The following RNF111 variants were observed in gnomAD, a reference collection of about 807,000 sequenced individuals.
RNF111 encodes E3 ubiquitin-protein ligase Arkadia.
A neutral mutation model predicts 95.1 loss-of-function variants in RNF111; 17 were observed. That is an observed-to-expected ratio of 0.18 (90% CI 0.12 to 0.27). The LOEUF is 0.27. Among genes scored for constraint, RNF111 ranks in the 10% least tolerant of loss-of-function variants. The pLI is 1.00. For missense variants in RNF111, 1,189 were observed against 1,210.4 expected, an observed-to-expected ratio of 0.98 and a Z score of 0.26; for synonymous variants, 440 against 414.8, an observed-to-expected ratio of 1.06 and a Z score of -0.74.
chr15:59,054,634 A>T (rs1213094660), intron 3 of RNF111, among the ~76,000 whole-genome samples: 2 of 134,214 alleles, frequency 1.5e-5, no homozygotes, highest in Non-Finnish European at 3.3e-5. Context: ...TTAACTTTAT[A>T]CTCCTTCTTA....
chr15:59,058,213 G>C (rs928247177), intron 4 of RNF111, 143 bp from the exon 5 acceptor site: 10 of 656,004 alleles, frequency 1.5e-5, no homozygotes, highest in Admixed American at 6.1e-5. Context: ...CTTTGTGAAC[G>C]CTTTCTTTAC....
intron 1 of RNF111, among the ~76,000 whole-genome samples, chr15:58,996,768 AACTT>A (rs1323092560): frequency 1.0e-4 from 15 of 149,480 alleles, no homozygotes; most frequent in Admixed American, 7.4e-4. Context: ...TATTCAATCT[AACTT>A]AATGTGTGTT....
intron 7 of RNF111, 51 bp downstream of exon 7, chr15:59,076,266 T>C: frequency 6.4e-7 from 1 of 1,572,820 alleles, no homozygotes. Flanking sequence ...CAATGAAGCA[T>C]TTTGTACTTC....
At chr15:59,006,274 T>C (rs2039537268) in intron 1 of RNF111, among the ~76,000 whole-genome samples, 1 of 152,218 alleles carries the variant, frequency 6.6e-6, no homozygotes, top group Non-Finnish European at 1.5e-5. Context: ...TTTTGGCAAA[T>C]GTGTCTGTCC....
chr15:59,008,568 T>C (rs1447473746), intron 1 of RNF111, among the ~76,000 whole-genome samples: 4 of 152,176 alleles, frequency 2.6e-5, no homozygotes, highest in African/African-American at 9.7e-5. Context: ...CTTGGCACTT[T>C]TGTTGGAAAA....
chr15:59,085,589 A>G, intron 9 of RNF111, 70 bp from the exon 10 acceptor site: 4 of 1,377,070 alleles, frequency 2.9e-6, no homozygotes, highest in South Asian at 3.4e-5. Context: ...AAGTGTAAAC[A>G]TAACTCCCCA....
chr15:59,077,054 T>C (rs1179331228), intron 7 of RNF111, among the ~76,000 whole-genome samples: 6 of 152,246 alleles, frequency 3.9e-5, no homozygotes, highest in Non-Finnish European at 7.3e-5. Context: ...ACTGGTGATA[T>C]ATTATTTACC....
chr15:58,994,328 C>A (rs1194733992), intron 1 of RNF111, among the ~76,000 whole-genome samples: 1 of 151,862 alleles, frequency 6.6e-6, no homozygotes, highest in Non-Finnish European at 1.5e-5. Context: ...CGTGAGCCAC[C>A]ACGCCTGGCT....
At chr15:59,062,069 T>TC (rs2042463014) in intron 5 of RNF111, among the ~76,000 whole-genome samples, 2 of 150,898 alleles carry the variant, frequency 1.3e-5, no homozygotes, top group African/African-American at 4.9e-5. Flanking sequence ...TTTTTTTTTT[T>TC]TCCCCGAGAC....
intron 1 of RNF111, among the ~76,000 whole-genome samples, chr15:59,013,492 G>A (rs1171429921): frequency 6.6e-6 from 1 of 152,112 alleles, no homozygotes; most frequent in African/African-American, 2.4e-5. Flanking sequence ...CTCATAGTTT[G>A]GGGTTTTGGG....
intron 1 of RNF111, chr15:59,004,046 C>A: frequency 2.2e-6 from 1 of 456,612 alleles, no homozygotes; most frequent in Non-Finnish European, 3.1e-6. Flanking sequence ...CTGTGTTTAT[C>A]CTCCTTGCCG....
At chr15:59,048,866 G>A (rs1431401217) in intron 2 of RNF111, among the ~76,000 whole-genome samples, 1 of 152,060 alleles carries the variant, frequency 6.6e-6, no homozygotes, top group Non-Finnish European at 1.5e-5. Context: ...GGTGGGAGGA[G>A]TATTACTTGA....
At chr15:59,072,748 G>A (rs539734450) in intron 6 of RNF111, among the ~76,000 whole-genome samples, 28 of 151,716 alleles carry the variant, frequency 1.8e-4, no homozygotes, top group African/African-American at 6.3e-4. Flanking sequence ...CACCACACCC[G>A]GCCTGTCATT....
At position 59,061,936 on chromosome 15, in the gene RNF111, T is replaced by G. The variant is rs183617253; in HGVS notation, c.1366+3386T>G. 7.2e-5 allele frequency among the ~76,000 whole-genome samples: 11 copies of G among 152,300 alleles called. 1 individual carries two copies. The highest frequency in any genetic ancestry group is 1.3e-4 in the Non-Finnish European group (9 of 68,014). ...AATTCATTTTCTTCCCAGGACTGTGTTCTCATCCCCCCTTTCACTAGCCCA... is the reference window on the plus strand; with the variant it reads ...AATTCATTTTCTTCCCAGGACTGTGGTCTCATCCCCCCTTTCACTAGCCCA... On this transcript the variant is annotated intron_variant, in intron 5 of 13. Coordinates refer to ENST00000348370, the MANE Select transcript of RNF111 (RefSeq NM_017610.8).
intron 13 of RNF111, among the ~76,000 whole-genome samples, chr15:59,093,002 T>C (rs1470400781): frequency 1.2e-4 from 18 of 152,056 alleles, no homozygotes; most frequent in Admixed American, 1.1e-3. Context: ...ACCCTGTCTC[T>C]GAAAAAAAAG....
At chr15:59,023,653 A>G (rs2040457082) in intron 1 of RNF111, among the ~76,000 whole-genome samples, 1 of 152,190 alleles carries the variant, frequency 6.6e-6, no homozygotes, top group African/African-American at 2.4e-5. Flanking sequence ...ACCTTCTTTT[A>G]AATATATATG....
chr15:58,994,156 C>T (rs537861750), intron 1 of RNF111, among the ~76,000 whole-genome samples: 1 of 150,864 alleles, frequency 6.6e-6, no homozygotes, highest in East Asian at 2.0e-4. Flanking sequence ...TCCTGACTCA[C>T]CCTCCCAGGT....
chr15:59,040,810 C>T (rs145167389), intron 2 of RNF111, among the ~76,000 whole-genome samples: 96 of 152,178 alleles, frequency 6.3e-4, no homozygotes, highest in African/African-American at 2.3e-3. Context: ...TGTGGTTATG[C>T]CACCAATTTC....
chr15:59,095,104 G>T lies in RNF111; in HGVS notation c.*204G>T. 4.2e-6 allele frequency: 2 copies of T among 474,166 alleles called. No homozygotes were observed. Among genetic ancestry groups the T allele is most frequent in the Non-Finnish European group, 3.7e-6 (1 of 268,604 alleles). 29.4% of individuals were successfully genotyped at this position (474,166 alleles called of 1,614,324 possible). Reference sequence around the variant, plus strand: ...GTATTTATAAAAGCTTTTTTTTCTAGATTTGACATTTTTCTGTATCATTTT... The same window carrying T: ...GTATTTATAAAAGCTTTTTTTTCTATATTTGACATTTTTCTGTATCATTTT... On this transcript the variant is annotated 3_prime_UTR_variant, in exon 14 of 14. Coordinates refer to ENST00000348370, the MANE Select transcript of RNF111 (RefSeq NM_017610.8).
Sources: allele counts gnomAD v4.1 joint callset (sites outside exome capture counted in the v4.1 genomes callset), GRCh38; gene constraint gnomAD v4.1.1; transcripts MANE v1.5; gene names NCBI Gene and HGNC (gene_info 2026-07-23, HGNC 2026-07-21).